RIMS1: variants seen among roughly 807,000 people sequenced by gnomAD.
The protein encoded by RIMS1 is regulating synaptic membrane exocytosis protein 1.
A neutral mutation model predicts 214.1 loss-of-function variants in RIMS1; 83 were observed. The ratio of observed to expected loss-of-function variants is 0.39; its 90% CI spans 0.32 to 0.47. The LOEUF is 0.47. RIMS1 is among the 20% of genes least tolerant of loss of function. The probability of loss-of-function intolerance (pLI) is 0.99; values close to 1 mark genes in which losing one functional copy is unlikely to be tolerated. For missense variants in RIMS1, 2,050 were observed against 2,161.8 expected, an observed-to-expected ratio of 0.95 and a Z score of 1.03; for synonymous variants, 793 against 786.8, an observed-to-expected ratio of 1.01 and a Z score of -0.13.
chr6:72,175,356 A>T (rs1242828393), intron 4 of RIMS1: 1 of 425,336 alleles, frequency 2.4e-6, no homozygotes. Flanking sequence ...ATGGATTCTT[A>T]TAAGGAAGAC....
intron 12 of RIMS1, among the ~76,000 whole-genome samples, chr6:72,249,989 CTT>C (rs979772452): frequency 6.6e-6 from 1 of 152,014 alleles, no homozygotes; most frequent in African/African-American, 2.4e-5. Flanking sequence ...TCTTCAAACT[CTT>C]ATTTTTAACA....
chr6:71,977,329 GA>G (rs1797409126), intron 2 of RIMS1, among the ~76,000 whole-genome samples: 2 of 152,256 alleles, frequency 1.3e-5, no homozygotes, highest in South Asian at 4.1e-4. Context: ...TCAACAGGTG[GA>G]AGAGTATGCA....
intron 1 of RIMS1, among the ~76,000 whole-genome samples, chr6:71,942,152 C>T (rs1160999388): frequency 6.6e-6 from 1 of 152,156 alleles, no homozygotes; most frequent in Admixed American, 6.5e-5. Context: ...CATGGAATTC[C>T]TTGTCACGGC....
intron 1 of RIMS1, among the ~76,000 whole-genome samples, chr6:71,951,492 TTG>T (rs1554151372): frequency 4.3e-5 from 5 of 117,480 alleles, no homozygotes; most frequent in Non-Finnish European, 5.1e-5. Context: ...TTTTTTTTTT[TTG>T]TGTGTGTGTG....
chr6:72,191,983 C>A (rs2050145510), intron 6 of RIMS1, among the ~76,000 whole-genome samples: 1 of 152,190 alleles, frequency 6.6e-6, no homozygotes, highest in African/African-American at 2.4e-5. Context: ...TAGGTAGAGG[C>A]AGCTCTACAG....
At chr6:72,227,941 G>A (rs761290384) in intron 6 of RIMS1, among the ~76,000 whole-genome samples, 8 of 151,848 alleles carry the variant, frequency 5.3e-5, no homozygotes, top group African/African-American at 9.7e-5. Flanking sequence ...TATGAACAAA[G>A]GGGAACTTTT....
At chr6:72,214,078 C>T (rs2054624814) in intron 6 of RIMS1, among the ~76,000 whole-genome samples, 1 of 152,134 alleles carries the variant, frequency 6.6e-6, no homozygotes, top group Admixed American at 6.5e-5. Flanking sequence ...ATAACACTTA[C>T]TACTATGCAT....
chr6:72,233,357 A>G (rs1445977122), intron 6 of RIMS1, among the ~76,000 whole-genome samples: 1 of 151,716 alleles, frequency 6.6e-6, no homozygotes, highest in African/African-American at 2.4e-5. Context: ...TTTGAAAGAT[A>G]TTATTTAGTT....
At chr6:72,399,888 A>G (rs1226865132) in intron 33 of RIMS1, among the ~76,000 whole-genome samples, 2 of 152,182 alleles carry the variant, frequency 1.3e-5, no homozygotes, top group Admixed American at 1.3e-4. Flanking sequence ...GTTGACCTAG[A>G]TTGTGGTAAT....
intron 6 of RIMS1, among the ~76,000 whole-genome samples, chr6:72,210,016 G>A (rs914494167): frequency 6.6e-6 from 1 of 152,126 alleles, no homozygotes; most frequent in Non-Finnish European, 1.5e-5. Flanking sequence ...GTCCATCTGG[G>A]TCAGGAAAAG....
intron 2 of RIMS1, among the ~76,000 whole-genome samples, chr6:72,055,273 G>A (rs1825840245): frequency 1.3e-5 from 2 of 152,218 alleles, no homozygotes; most frequent in Admixed American, 1.3e-4. Flanking sequence ...GCTACATTCA[G>A]AGCACACTCC....
At chr6:72,162,283 C>T (rs113267667) in intron 4 of RIMS1, among the ~76,000 whole-genome samples, 3,461 of 140,232 alleles carry the variant, frequency 0.025, 314 homozygotes, top group African/African-American at 0.081. Context: ...ATGTGTGTCT[C>T]TGCATGTGAG....
intron 2 of RIMS1, among the ~76,000 whole-genome samples, chr6:72,092,291 C>CCTTCCTTCCTTCCTTCCTT (rs1554220984): frequency 1.2e-3 from 126 of 108,002 alleles, no homozygotes; most frequent in Middle Eastern, 8.5e-3. Context: ...CTCCCTCCCT[C>CCTTCCTTCCTTCCTTCCTT]CCTTCCTTCC....
At chr6:71,995,261 A>G (rs1270147769) in intron 2 of RIMS1, among the ~76,000 whole-genome samples, 1 of 152,214 alleles carries the variant, frequency 6.6e-6, no homozygotes, top group Non-Finnish European at 1.5e-5. Context: ...TAATTTAGAA[A>G]TGACTGTTTC....
chr6:72,341,595 A>G (rs1015930222), intron 29 of RIMS1, among the ~76,000 whole-genome samples: 3 of 151,876 alleles, frequency 2.0e-5, no homozygotes, highest in Non-Finnish European at 4.4e-5. Flanking sequence ...TCCCAGGCAC[A>G]GTGGGTGTTT....
intron 1 of RIMS1, among the ~76,000 whole-genome samples, chr6:71,923,865 T>C (rs542430678): frequency 2.4e-4 from 37 of 152,260 alleles, no homozygotes; most frequent in Admixed American, 2.0e-3. Flanking sequence ...CGCCTGGCCT[T>C]TGTGACTTCT....
chr6:72,121,858 A>G lies in RIMS1; in HGVS notation c.471+21872A>G, dbSNP rs553184602. On this transcript the variant is annotated intron_variant, in intron 4 of 33. Coordinates refer to ENST00000521978, the MANE Select transcript of RIMS1 (RefSeq NM_014989.7). ...ACCTAGTTTATTGGGAGCTTTTAGGATAAAGGGCTGTTGAATTTTGTCGAA... is the reference window on the plus strand; with the variant it reads ...ACCTAGTTTATTGGGAGCTTTTAGGGTAAAGGGCTGTTGAATTTTGTCGAA... Among the ~76,000 whole-genome samples, 4 of 151,986 alleles carry G rather than the reference A, an allele frequency of 2.6e-5. No homozygotes were observed. The East Asian group carries it at 7.7e-4, about 29-fold the overall frequency.
chr6:72,346,605 T>A (rs1235846731), intron 29 of RIMS1, among the ~76,000 whole-genome samples: 1 of 151,816 alleles, frequency 6.6e-6, no homozygotes, highest in African/African-American at 2.4e-5. Context: ...CCTTCTGCTC[T>A]GTTACTCAGC....
At chr6:72,029,836 T>C (rs982823657) in intron 2 of RIMS1, among the ~76,000 whole-genome samples, 12 of 152,130 alleles carry the variant, frequency 7.9e-5, no homozygotes, top group Admixed American at 6.6e-4. Context: ...GTTACTGCTG[T>C]TATATTTGTT....
Sources: allele counts gnomAD v4.1 joint callset (sites outside exome capture counted in the v4.1 genomes callset), GRCh38; gene constraint gnomAD v4.1.1; transcripts MANE v1.5; gene names NCBI Gene and HGNC (gene_info 2026-07-23, HGNC 2026-07-21).